DNAH3: variants seen among roughly 807,000 people sequenced by gnomAD.
DNAH3 encodes axonemal beta dynein heavy chain 3.
Under a neutral mutation model 432.5 loss-of-function variants are expected in DNAH3, and 332 were observed. The observed-to-expected ratio is 0.77, with a 90% CI of 0.70 to 0.84. The LOEUF (loss-of-function observed/expected upper bound fraction) is 0.84. Among genes scored for constraint, DNAH3 ranks in the 40% least tolerant of loss-of-function variants. The pLI, the probability that DNAH3 is intolerant of heterozygous loss-of-function variation, is 0.00. For synonymous variants in DNAH3, 1,956 were observed against 1,900.2 expected (o/e 1.03, Z -0.76); for missense variants, 4,861 against 5,114.0 (o/e 0.95, Z 1.51).
chr16:21,015,451 A>ACTAT (rs2087810297), intron 41 of DNAH3, among the ~76,000 whole-genome samples: 1 of 152,114 alleles, frequency 6.6e-6, no homozygotes, highest in Non-Finnish European at 1.5e-5. Flanking sequence ...GTTGTGTGAA[A>ACTAT]CTATCCTGCA....
At chr16:20,982,305 G>A (rs1442102567) in intron 49 of DNAH3, among the ~76,000 whole-genome samples, 1 of 152,028 alleles carries the variant, frequency 6.6e-6, no homozygotes, top group East Asian at 1.9e-4. Context: ...AGAATCACTT[G>A]AATCTGGGAG....
At chr16:21,117,399 AT>A (rs1436632952) in intron 11 of DNAH3, 60 bp from the exon 12 acceptor site, 1 of 912,220 alleles carries the variant, frequency 1.1e-6, no homozygotes, top group Non-Finnish European at 1.8e-6. Flanking sequence ...TGGTACCCAA[AT>A]GCAAAGCCTT....
At chr16:20,962,878 C>CA (rs1246814464) in intron 53 of DNAH3, among the ~76,000 whole-genome samples, 1 of 152,182 alleles carries the variant, frequency 6.6e-6, no homozygotes, top group African/African-American at 2.4e-5. Flanking sequence ...AGGCTGGTCT[C>CA]AAACTCCTGG....
intron 9 of DNAH3, among the ~76,000 whole-genome samples, chr16:21,124,532 T>G (rs2092406717): frequency 6.6e-6 from 1 of 152,218 alleles, no homozygotes; most frequent in African/African-American, 2.4e-5. Context: ...GTTTTATACC[T>G]CTCTTTAAAA....
At chr16:21,135,749 A>G (rs1186700779) in intron 6 of DNAH3, among the ~76,000 whole-genome samples, 1 of 151,988 alleles carries the variant, frequency 6.6e-6, no homozygotes, top group Non-Finnish European at 1.5e-5. Context: ...AAAGAAGTGT[A>G]GAATCTCAGC....
chr16:20,979,336 A>T, exon 50 of DNAH3: 1 of 1,613,956 alleles, frequency 6.2e-7, no homozygotes, highest in Non-Finnish European at 8.5e-7. Context: ...TCACCTGAGA[A>T]GCTGCAAAGT....
intron 21 of DNAH3, among the ~76,000 whole-genome samples, chr16:21,075,097 T>C (rs1166909402): frequency 1.3e-5 from 2 of 152,196 alleles, no homozygotes; most frequent in Non-Finnish European, 2.9e-5. Flanking sequence ...TGAGAAACAC[T>C]AGTCATTGTC....
chr16:21,071,075 T>C (rs1170369723), intron 21 of DNAH3, among the ~76,000 whole-genome samples: 1 of 151,422 alleles, frequency 6.6e-6, no homozygotes, highest in Non-Finnish European at 1.5e-5. Flanking sequence ...AGAGTTTCAC[T>C]CCTGTTGCCC....
intron 48 of DNAH3, among the ~76,000 whole-genome samples, chr16:20,983,838 C>T (rs1314972726): frequency 6.6e-6 from 1 of 151,564 alleles, no homozygotes; most frequent in Non-Finnish European, 1.5e-5. Flanking sequence ...CAAAGTGAAC[C>T]CCACATCCCC....
chr16:20,937,305 T>C (rs546565139), intron 59 of DNAH3, among the ~76,000 whole-genome samples: 101 of 151,450 alleles, frequency 6.7e-4, no homozygotes, highest in African/African-American at 2.2e-3. Context: ...CAGGTGTGCA[T>C]CACCATGCCT....
chr16:21,054,512 T>C, exon 28 of DNAH3: 1 of 1,614,012 alleles, frequency 6.2e-7, no homozygotes, highest in Non-Finnish European at 8.5e-7. Flanking sequence ...CGCAATCTGA[T>C]CATTGCTCTT....
intron 53 of DNAH3, among the ~76,000 whole-genome samples, chr16:20,959,715 T>C (rs1236408301): frequency 6.6e-6 from 1 of 151,956 alleles, no homozygotes; most frequent in African/African-American, 2.4e-5. Context: ...ACTCATTGGC[T>C]TCTGTTAATT....
At chr16:21,041,303 A>G (rs2089431736) in intron 32 of DNAH3, among the ~76,000 whole-genome samples, 2 of 152,142 alleles carry the variant, frequency 1.3e-5, no homozygotes, top group African/African-American at 4.8e-5. Flanking sequence ...CCTGGGAGGC[A>G]GATGTGGCAG....
chr16:21,148,197 CATT>C (rs1477014358), intron 1 of DNAH3, among the ~76,000 whole-genome samples: 2 of 152,232 alleles, frequency 1.3e-5, no homozygotes, highest in East Asian at 3.9e-4. Flanking sequence ...AATTAACCAT[CATT>C]ATCTCTCCCG....
chr16:20,990,125 C>T (rs907343658), intron 44 of DNAH3, among the ~76,000 whole-genome samples: 3 of 152,226 alleles, frequency 2.0e-5, no homozygotes, highest in African/African-American at 7.2e-5. Context: ...CCTCAAGTGC[C>T]GCCAAAGTGG....
rs2088265665 is a variant in DNAH3, at chr16:21,022,110, G to A, written c.5647-10C>T. The A allele has an allele frequency of 6.2e-7, 1 of 1,613,650 alleles. No homozygotes were observed. Among genetic ancestry groups the A allele is most frequent in the African/African-American group, 1.3e-5 (1 of 74,910 alleles). On this transcript the variant is annotated splice_polypyrimidine_tract_variant and intron_variant, in intron 39 of 61. Transcript: ENST00000261383. ...TGAACATGTCATTGACCTGAGAGTA[G>A]AAACCTCCATGAGACTTGGAGACAT...
chr16:21,060,526 C>CTT (rs375746116), intron 25 of DNAH3, among the ~76,000 whole-genome samples, 170 bp from the exon 26 acceptor site: 9 of 93,416 alleles, frequency 9.6e-5, no homozygotes, highest in African/African-American at 1.6e-4. Flanking sequence ...TTTTTTTTTT[C>CTT]TTTTTTTTTT....
chr16:21,132,760 T>A (rs2152822053), intron 7 of DNAH3, among the ~76,000 whole-genome samples: 1 of 152,298 alleles, frequency 6.6e-6, no homozygotes, highest in East Asian at 1.9e-4. Flanking sequence ...GCGGAGTGAC[T>A]GCTAATGGGT....
Position 21,046,972 on chromosome 16 carries a change from ATTCTT to A in DNAH3, c.4461+2592_4461+2596del, listed in dbSNP as rs879786268. On this transcript the variant is annotated intron_variant, in intron 31 of 61. Transcript: ENST00000261383. ...CTGGATATGAAATTCTGGGTTGAAA[ATTCTT>A]TTCTTTAAGAATGTTGAATATTGGC... Among the ~76,000 whole-genome samples, 941 of 151,710 alleles carry A rather than the reference ATTCTT, an allele frequency of 6.2e-3. 3 individuals carry two copies. Among genetic ancestry groups the A allele is most frequent in the Middle Eastern group, 0.027 (8 of 292 alleles).
Sources: gnomAD v4.1 joint callset for allele counts (sites outside exome capture counted in the v4.1 genomes callset) on GRCh38, gnomAD v4.1.1 for gene constraint, MANE v1.5 for transcripts, NCBI Gene and HGNC (gene_info 2026-07-23, HGNC 2026-07-21) for gene names.